SYN3: variants seen among roughly 807,000 people sequenced by gnomAD.
SYN3 encodes synapsin III.
SYN3 carries 35 observed loss-of-function variants against 65.8 expected under a neutral mutation model. The ratio of observed to expected loss-of-function variants is 0.53; its 90% CI spans 0.41 to 0.70. The LOEUF (loss-of-function observed/expected upper bound fraction) is 0.70. Ranked by LOEUF, SYN3 falls within the 30% of genes least tolerant of loss-of-function variation. The pLI, the probability that SYN3 is intolerant of heterozygous loss-of-function variation, is 0.00. For missense variants in SYN3, 680 were observed against 749.0 expected (o/e 0.91, Z 1.08); for synonymous variants, 270 against 292.9 (o/e 0.92, Z 0.80).
intron 6 of SYN3, among the ~76,000 whole-genome samples, chr22:32,727,246 T>C (rs1165181620): frequency 1.3e-5 from 2 of 152,218 alleles, no homozygotes; most frequent in African/African-American, 4.8e-5. Context: ...TTATTTGGTT[T>C]TCTGTTCCTG....
chr22:33,018,624 G>A (rs1012597499), intron 1 of SYN3, among the ~76,000 whole-genome samples: 3 of 152,188 alleles, frequency 2.0e-5, no homozygotes, highest in Non-Finnish European at 4.4e-5. Flanking sequence ...ATAAGGATAC[G>A]TTTTGCATCA....
intron 4 of SYN3, among the ~76,000 whole-genome samples, chr22:32,901,154 T>C: frequency 6.6e-6 from 1 of 152,210 alleles, no homozygotes; most frequent in East Asian, 1.9e-4. Context: ...GGCATTTTAA[T>C]ACAGTAACAA....
intron 6 of SYN3, among the ~76,000 whole-genome samples, chr22:32,810,856 A>G (rs2145986076): frequency 6.6e-6 from 1 of 152,298 alleles, no homozygotes; most frequent in Non-Finnish European, 1.5e-5. Context: ...CTTTTGACTT[A>G]GACTTTATCA....
intron 4 of SYN3, among the ~76,000 whole-genome samples, chr22:32,899,565 C>T (rs1185862142): frequency 1.3e-5 from 2 of 152,152 alleles, no homozygotes; most frequent in African/African-American, 2.4e-5. Flanking sequence ...CTCTATATGG[C>T]TTTATCTAGA....
At chr22:32,883,253 A>G (rs529100824) in intron 4 of SYN3, among the ~76,000 whole-genome samples, 2 of 152,340 alleles carry the variant, frequency 1.3e-5, no homozygotes, top group South Asian at 2.1e-4. Context: ...ACCATAACCC[A>G]GTAAGGGCTT....
intron 6 of SYN3, among the ~76,000 whole-genome samples, chr22:32,675,810 G>A (rs1289047242): frequency 1.3e-5 from 2 of 152,150 alleles, no homozygotes; most frequent in African/African-American, 2.4e-5. Context: ...AGTGGTGAGC[G>A]GGAGGCGAGA....
At chr22:32,952,729 C>G (rs1287400241) in intron 3 of SYN3, among the ~76,000 whole-genome samples, 1 of 151,932 alleles carries the variant, frequency 6.6e-6, no homozygotes, top group Admixed American at 6.6e-5. Flanking sequence ...CCCTGCAGCC[C>G]AAGGAACAGA....
intron 6 of SYN3, among the ~76,000 whole-genome samples, chr22:32,847,931 ACT>A (rs1337496566): frequency 6.6e-6 from 1 of 152,044 alleles, no homozygotes; most frequent in African/African-American, 2.4e-5. Flanking sequence ...TGATAGAGGC[ACT>A]CTCTGCCCTA....
At chr22:32,710,099 A>ACATATATGTG (rs1555931598) in intron 6 of SYN3, among the ~76,000 whole-genome samples, 1 of 65,630 alleles carries the variant, frequency 1.5e-5, no homozygotes, top group African/African-American at 1.3e-4. Flanking sequence ...ACACACACAC[A>ACATATATGTG]TGTGTGTGTG....
chr22:32,517,997 C>T (rs1030366681), intron 13 of SYN3, 46 bp downstream of exon 13: 6 of 1,426,710 alleles, frequency 4.2e-6, no homozygotes, highest in Middle Eastern at 1.9e-4. Context: ...GCTCTGCCTA[C>T]ACCCCAGCTC....
chr22:32,697,785 T>C (rs2060757132), intron 6 of SYN3, among the ~76,000 whole-genome samples: 1 of 152,196 alleles, frequency 6.6e-6, no homozygotes, highest in Non-Finnish European at 1.5e-5. Context: ...TTCTAGTTCT[T>C]GATTCCGAGT....
intron 3 of SYN3, among the ~76,000 whole-genome samples, chr22:32,976,671 G>A (rs1462651722): frequency 2.6e-5 from 4 of 152,136 alleles, no homozygotes; most frequent in African/African-American, 9.7e-5. Flanking sequence ...GAGCCAGTAG[G>A]GCATTCTGGG....
chr22:33,008,974 G>GGA (rs2053277566), intron 1 of SYN3, among the ~76,000 whole-genome samples: 1 of 129,936 alleles, frequency 7.7e-6, no homozygotes, highest in Non-Finnish European at 1.6e-5. Context: ...GAGAGAGAGA[G>GGA]AAAAGAAAAA....
At chr22:32,636,682 A>G (rs1213379789) in intron 6 of SYN3, among the ~76,000 whole-genome samples, 1 of 152,138 alleles carries the variant, frequency 6.6e-6, no homozygotes, top group Non-Finnish European at 1.5e-5. Flanking sequence ...GACACTCTGA[A>G]TTATTTCATT....
At chr22:32,756,935 A>T (rs1040740160) in intron 6 of SYN3, among the ~76,000 whole-genome samples, 1 of 152,220 alleles carries the variant, frequency 6.6e-6, no homozygotes, top group Admixed American at 6.5e-5. Context: ...CAAATGCCAG[A>T]AGTAGGATTG....
At chr22:32,595,772 T>C (rs918510227) in intron 7 of SYN3, among the ~76,000 whole-genome samples, 6 of 152,142 alleles carry the variant, frequency 3.9e-5, no homozygotes, top group Non-Finnish European at 8.8e-5. Context: ...GAGATCTGGT[T>C]GTTTAAAAGT....
chr22:32,582,134 G>T (rs1001576698), intron 7 of SYN3, among the ~76,000 whole-genome samples: 17 of 152,060 alleles, frequency 1.1e-4, no homozygotes, highest in African/African-American at 3.9e-4. Flanking sequence ...TGGAAATCAG[G>T]CTTCCCTGGC....
intron 7 of SYN3, among the ~76,000 whole-genome samples, chr22:32,585,426 C>A (rs989893605): frequency 1.3e-5 from 2 of 152,304 alleles, no homozygotes; most frequent in East Asian, 1.9e-4. Flanking sequence ...CTTTCTAATG[C>A]ACTTTTATTC....
intron 12 of SYN3, among the ~76,000 whole-genome samples, chr22:32,523,677 C>G (rs138965043): frequency 1.3e-5 from 2 of 152,240 alleles, no homozygotes; most frequent in African/African-American, 4.8e-5. Context: ...GTTAAGAACC[C>G]AATAATGGCC....
Sources: allele counts gnomAD v4.1 joint callset (sites outside exome capture counted in the v4.1 genomes callset), GRCh38; gene constraint gnomAD v4.1.1; transcripts MANE v1.5; gene names NCBI Gene and HGNC (gene_info 2026-07-23, HGNC 2026-07-21).